The following LRP2 variants were observed in gnomAD, a reference collection of about 807,000 sequenced individuals.
The protein encoded by LRP2 is low-density lipoprotein receptor-related protein 2.
LRP2 carries 172 observed loss-of-function variants against 531.0 expected under a neutral mutation model. The observed-to-expected ratio is 0.32, with a 90% CI of 0.29 to 0.37. LRP2 has a LOEUF of 0.37. LRP2 is among the 10% of genes least tolerant of loss of function. LRP2 has a pLI of 1.00. For missense variants in LRP2, 5,167 were observed against 5,868.3 expected (o/e 0.88, Z 3.90); for synonymous variants, 1,992 against 2,027.6 (o/e 0.98, Z 0.47).
At chr2:169,256,677 T>C (rs1264753463) in intron 18 of LRP2, among the ~76,000 whole-genome samples, 3 of 152,170 alleles carry the variant, frequency 2.0e-5, no homozygotes. Flanking sequence ...CCATAGCTTA[T>C]ACTTTTAAAG....
At chr2:169,279,674 T>G (rs1347256572) in intron 11 of LRP2, 79 bp from the exon 12 acceptor site, 1 of 864,364 alleles carries the variant, frequency 1.2e-6, no homozygotes, top group Non-Finnish European at 1.9e-6. Context: ...TTAGCTATAA[T>G]CAAATCAGAA....
intron 31 of LRP2, 40 bp downstream of exon 31, chr2:169,231,674 C>G: frequency 6.2e-7 from 1 of 1,612,554 alleles, no homozygotes; most frequent in Admixed American, 1.7e-5. Context: ...AAACTATGAC[C>G]AGCTCCATCT....
intron 15 of LRP2, among the ~76,000 whole-genome samples, chr2:169,272,471 C>T (rs1210012153): frequency 6.6e-6 from 1 of 152,068 alleles, no homozygotes; most frequent in East Asian, 1.9e-4. Context: ...ATGTGATTAC[C>T]TGGTTGAAAG....
At chr2:169,222,954 TTA>T (rs1414092565) in intron 33 of LRP2, among the ~76,000 whole-genome samples, 1 of 152,194 alleles carries the variant, frequency 6.6e-6, no homozygotes, top group African/African-American at 2.4e-5. Flanking sequence ...CACTAGCACT[TTA>T]TATTCACCGG....
Position 169,226,456 on chromosome 2 carries a change from T to G in LRP2, c.5360A>C (p.Asp1787Ala), listed in dbSNP as rs111233002. ...IQNGLDVEFD[D>A]AEQYIYWVEN... ...AACCCAATAGATGTATTGCTCAGCA[T>G]CATCAAATTCAACATCTAAACCATT... Residue 1787 changes from aspartate (D) to alanine (A), a missense_variant, in exon 32 of 79, where the codon GAT (aspartate) becomes GCT (alanine). Transcript: ENST00000649046. 9 of 1,613,522 alleles carry G rather than the reference T, an allele frequency of 5.6e-6. No individual in the cohort carries two copies. In the African/African-American group the frequency reaches 1.2e-4, roughly 22 times the overall value.
In LRP2 at chr2:169,206,590, C is replaced by T. The variant is rs1688396543; in HGVS notation, c.7130G>A (p.Ser2377Asn). Residue 2377 changes from serine (S) to asparagine (N), a missense_variant, in exon 39 of 79, where the codon AGT (serine) becomes AAT (asparagine). This residue lies in a region of LRP2 where 2,811 missense variants were observed against 3,058.0 expected (regional missense o/e 0.92). Transcript: ENST00000649046. ...KCDCAFGTLQ[S>N]DGKNCAISTE... ...TGAAATGGCACAATTCTTGCCATCA[C>T]TTTGCAGGGTCCCAAAGGCACAGTC... 1.9e-6 allele frequency: 3 copies of T among 1,614,140 alleles called. No homozygotes were observed. The highest frequency in any genetic ancestry group is 2.5e-6 in the Non-Finnish European group (3 of 1,180,026).
In LRP2 at chr2:169,151,101, A is replaced by C. The variant is rs1211664380; in HGVS notation, c.12462-75T>G. Reference sequence around the variant, plus strand: ...TTACTGGGTAAGAGGTTTGAAGATGAGAGCATTTCGTTTGGCTGGTGAGAC... The same window carrying C: ...TTACTGGGTAAGAGGTTTGAAGATGCGAGCATTTCGTTTGGCTGGTGAGAC... On this transcript the variant is annotated intron_variant, in intron 67 of 78. Transcript: ENST00000649046. 6 of 1,522,772 alleles carry C rather than the reference A, an allele frequency of 3.9e-6. No homozygotes were observed. The African/African-American group carries it at 8.2e-5, about 21-fold the overall frequency. The allele number at this position is 1,522,772 out of a possible 1,614,324, so 94.3% of individuals were successfully genotyped here.
intron 50 of LRP2, 99 bp from the exon 51 acceptor site, chr2:169,182,418 A>G (rs1687474709): frequency 6.3e-7 from 1 of 1,594,598 alleles, no homozygotes; most frequent in Non-Finnish European, 8.5e-7. Flanking sequence ...AGAATCACAG[A>G]CAGTTGTTAG....
At chr2:169,165,162 T>C (rs1468833006) in intron 62 of LRP2, among the ~76,000 whole-genome samples, 3 of 152,068 alleles carry the variant, frequency 2.0e-5, no homozygotes, top group Admixed American at 2.0e-4. Context: ...ATACAAGAAA[T>C]AGAAAGTGGA....
intron 53 of LRP2, among the ~76,000 whole-genome samples, chr2:169,177,595 AGAT>A (rs1687246456): frequency 6.6e-6 from 1 of 152,252 alleles, no homozygotes; most frequent in Admixed American, 6.5e-5. Context: ...AGTTTTAAGA[AGAT>A]GAAGAGTTCT....
At chr2:169,235,318 C>T (rs1158987631) in intron 29 of LRP2, among the ~76,000 whole-genome samples, 5 of 151,334 alleles carry the variant, frequency 3.3e-5, no homozygotes, top group African/African-American at 9.7e-5. Flanking sequence ...CAGCTCACTG[C>T]AACCTCTGCT....
chr2:169,242,653 T>C (rs1689850853), intron 24 of LRP2, among the ~76,000 whole-genome samples: 1 of 152,120 alleles, frequency 6.6e-6, no homozygotes, highest in African/African-American at 2.4e-5. Context: ...CCTCAAAAGT[T>C]TAAACCTACT....
rs970862922 is a variant in LRP2 at position 169,160,685 on chromosome 2, A to AAAAAAAAAAAAACAAAAAAAAAAC, written c.11887+1786_11887+1787insGTTTTTTTTTTGTTTTTTTTTTTT. 8.7e-4 allele frequency among the ~76,000 whole-genome samples: 82 copies of AAAAAAAAAAAAACAAAAAAAAAAC among 94,280 alleles called. 1 individual carries two copies. The Middle Eastern group carries it at 0.043, about 50-fold the overall frequency. The allele number at this position is 94,280 out of a possible 152,430, so 61.9% of individuals were successfully genotyped here. ...TTGTTTGTGCTACTTATTTCCTTAAAAAAAAAAAAACCTGCTACTAATTAA... is the reference window on the plus strand; with the variant it reads ...TTGTTTGTGCTACTTATTTCCTTAAAAAAAAAAAAAAACAAAAAAAAAACAAAAAAAAAACCTGCTACTAATTAA... On this transcript the variant is annotated intron_variant, in intron 63 of 78. Coordinates refer to ENST00000649046, the MANE Select transcript of LRP2 (RefSeq NM_004525.3).
chr2:169,320,944 T>C (rs1438438632), intron 1 of LRP2, 60 bp from the exon 2 acceptor site: 5 of 1,211,880 alleles, frequency 4.1e-6, no homozygotes, highest in Middle Eastern at 1.9e-4. Context: ...ACCGAAGAAA[T>C]ATAAATTTTT....
At chr2:169,311,733 G>A (rs2544375) in intron 3 of LRP2, among the ~76,000 whole-genome samples, 1 of 151,856 alleles carries the variant, frequency 6.6e-6, no homozygotes, top group African/African-American at 2.4e-5. Flanking sequence ...GTGCAGAGCT[G>A]AGTTCAATTC....
chr2:169,212,244 C>T, intron 36 of LRP2, 37 bp from the exon 37 acceptor site: 1 of 1,613,750 alleles, frequency 6.2e-7, no homozygotes, highest in Non-Finnish European at 8.5e-7. Context: ...ACTTTTGATC[C>T]TAGCTACTCG....
intron 49 of LRP2, among the ~76,000 whole-genome samples, chr2:169,187,734 A>G (rs1214637050): frequency 6.6e-6 from 1 of 152,198 alleles, no homozygotes; most frequent in African/African-American, 2.4e-5. Flanking sequence ...TGGCCTGAAT[A>G]TTTGCCCATC....
At chr2:169,173,696 A>G (rs1574096007) in intron 56 of LRP2, among the ~76,000 whole-genome samples, 2 of 152,190 alleles carry the variant, frequency 1.3e-5, no homozygotes, top group Admixed American at 6.5e-5. Context: ...TAGACATTCT[A>G]TGTATCAAAA....
intron 29 of LRP2, among the ~76,000 whole-genome samples, chr2:169,235,528 C>T (rs1195282603): frequency 2.0e-5 from 3 of 152,144 alleles, no homozygotes; most frequent in Non-Finnish European, 4.4e-5. Flanking sequence ...CGTGAGCCAC[C>T]GCGCCCGGCC....
Sources: gnomAD v4.1 joint callset for allele counts (sites outside exome capture counted in the v4.1 genomes callset) on GRCh38, gnomAD v4.1.1 for gene constraint, gnomAD v4.1.1 regional missense constraint, MANE v1.5 for transcripts, NCBI Gene and HGNC (gene_info 2026-07-23, HGNC 2026-07-21) for gene names.